Variants in PAGE2B observed in about 807,000 individuals in gnomAD.
The protein encoded by PAGE2B is PAGE family member 2B, also known as putative G antigen family E member 3.
Under a neutral mutation model 7.6 loss-of-function variants are expected in PAGE2B, and 5 were observed. The ratio of observed to expected loss-of-function variants is 0.66; its 90% CI spans 0.34 to 1.38. The LOEUF (loss-of-function observed/expected upper bound fraction) is 1.38. Ranked by LOEUF, PAGE2B falls within the 40% of genes most tolerant of loss-of-function variation. The pLI, the probability that PAGE2B is intolerant of heterozygous loss-of-function variation, is 0.04. For missense variants in PAGE2B, 70 were observed against 78.4 expected, an observed-to-expected ratio of 0.89 and a Z score of 0.41; for synonymous variants, 29 against 26.7, an observed-to-expected ratio of 1.09 and a Z score of -0.27.
the PAGE2B span, among the ~76,000 whole-genome samples, chrX:55,040,468 A>G: frequency 9.0e-6 from 1 of 111,524 alleles, no homozygotes; most frequent in African/African-American, 3.3e-5. Flanking sequence ...AAGGGCATGA[A>G]CTCATCCAAA....
the PAGE2B span, among the ~76,000 whole-genome samples, chrX:55,041,809 G>A: frequency 1.8e-5 from 2 of 111,599 alleles, no homozygotes; most frequent in Admixed American, 9.5e-5. Flanking sequence ...TTCCCATCAC[G>A]GGTTTCAATC....
chrX:55,035,851 C>T, the PAGE2B span, among the ~76,000 whole-genome samples: 3 of 111,846 alleles, frequency 2.7e-5, no homozygotes, highest in Non-Finnish European at 5.6e-5. Context: ...TCATTGGTAG[C>T]TTGATGGGGA....
the PAGE2B span, chrX:55,045,179 G>A: frequency 8.9e-6 from 1 of 111,833 alleles, no homozygotes; most frequent in Admixed American, 9.5e-5. Flanking sequence ...AAAAAATTCA[G>A]AGTTCGGTAT....
At chrX:55,069,500 C>G in the PAGE2B span, among the ~76,000 whole-genome samples, 2 of 106,567 alleles carry the variant, frequency 1.9e-5, no homozygotes, top group Admixed American at 9.8e-5. Flanking sequence ...CTAAAATTCT[C>G]TCTCTTTTTT....
chrX:55,076,241 C>T, intron 2 of PAGE2B, 116 bp downstream of exon 2: 2 of 881,175 alleles, frequency 2.3e-6, no homozygotes, highest in South Asian at 5.6e-5. Context: ...ATGATGATGG[C>T]ATCTCATGAA....
chrX:55,029,795 A>G, the PAGE2B span, among the ~76,000 whole-genome samples: 1 of 111,909 alleles, frequency 8.9e-6, no homozygotes, highest in Non-Finnish European at 1.9e-5. Context: ...GAAATTTGAG[A>G]CCAAGTAACA....
At chrX:55,049,254 G>C in the PAGE2B span, among the ~76,000 whole-genome samples, 4 of 111,398 alleles carry the variant, frequency 3.6e-5, no homozygotes, top group Non-Finnish European at 5.7e-5. Flanking sequence ...CAGGGATATT[G>C]GTCTAAAATT....
At chrX:55,043,698 T>G in the PAGE2B span, among the ~76,000 whole-genome samples, 56 of 111,289 alleles carry the variant, frequency 5.0e-4, no homozygotes, top group Non-Finnish European at 7.2e-4. Flanking sequence ...CCGGGCGCAG[T>G]GGCTCTTGCC....
the PAGE2B span, among the ~76,000 whole-genome samples, chrX:55,047,440 G>A: frequency 0.021 from 2,285 of 111,267 alleles, 44 homozygotes; most frequent in African/African-American, 0.061. Flanking sequence ...CCCAGTAATG[G>A]GATTGCTGGG....
chrX:55,052,089 G>T, the PAGE2B span, among the ~76,000 whole-genome samples: 1 of 112,145 alleles, frequency 8.9e-6, no homozygotes, highest in Non-Finnish European at 1.9e-5. Flanking sequence ...GACCCTGTTT[G>T]CATGGGTATC....
the PAGE2B span, among the ~76,000 whole-genome samples, chrX:55,049,557 T>G: frequency 8.9e-6 from 1 of 111,892 alleles, no homozygotes. Context: ...GTTGAGGAAT[T>G]TATCCGTTTC....
At chrX:55,039,114 G>T in the PAGE2B span, among the ~76,000 whole-genome samples, 1 of 111,815 alleles carries the variant, frequency 8.9e-6, no homozygotes, top group Non-Finnish European at 1.9e-5. Flanking sequence ...GCAGCAGGCT[G>T]TTTCAGTAGC....
chrX:55,077,302 GT>G lies in PAGE2B; in HGVS notation c.194-92del, dbSNP rs2146468206. The G allele has an allele frequency of 5.2e-6, 6 of 1,155,911 alleles. No homozygotes were observed. The South Asian group carries it at 1.2e-4, about 23-fold the overall frequency. ...GATTCCTGAAATAATTAGCCTACAG[GT>G]TTTTACTTCATAATGATGAGGGAAT... On this transcript the variant is annotated intron_variant, in intron 3 of 4. Coordinates refer to ENST00000374971, the MANE Select transcript of PAGE2B (RefSeq NM_001015038.3).
chrX:55,049,288 C>T, the PAGE2B span, among the ~76,000 whole-genome samples: 1 of 111,486 alleles, frequency 9.0e-6, no homozygotes, highest in Non-Finnish European at 1.9e-5. Flanking sequence ...GTGTCTCTGC[C>T]AGGCTTTGGT....
At chrX:55,068,506 G>A in the PAGE2B span, among the ~76,000 whole-genome samples, 1 of 111,987 alleles carries the variant, frequency 8.9e-6, no homozygotes, top group Non-Finnish European at 1.9e-5. Flanking sequence ...GCTTAGGATT[G>A]TCTTGGCTAT....
chrX:55,037,294 T>C, the PAGE2B span, among the ~76,000 whole-genome samples: 1 of 111,945 alleles, frequency 8.9e-6, no homozygotes, highest in Non-Finnish European at 1.9e-5. Flanking sequence ...AAAAGACATA[T>C]GAAAAAATGC....
At chrX:55,057,522 T>A in the PAGE2B span, among the ~76,000 whole-genome samples, 1 of 111,433 alleles carries the variant, frequency 9.0e-6, no homozygotes, top group Non-Finnish European at 1.9e-5. Flanking sequence ...GCTGGCCCCA[T>A]GCTGTCAGTC....
At chrX:55,075,263 A>G in intron 1 of PAGE2B, 149 bp downstream of exon 1, 1 of 138,745 alleles carries the variant, frequency 7.2e-6, no homozygotes, top group Non-Finnish European at 1.4e-5. Context: ...CCAGGTCGGG[A>G]TGCCACCGTG....
chrX:55,045,337 A>G, the PAGE2B span, among the ~76,000 whole-genome samples: 1 of 111,467 alleles, frequency 9.0e-6, no homozygotes, highest in Non-Finnish European at 1.9e-5. Context: ...GAACCAAAAC[A>G]GTTTTCTTGG....
Sources: gnomAD v4.1 joint callset for allele counts (sites outside exome capture counted in the v4.1 genomes callset) on GRCh38, gnomAD v4.1.1 for gene constraint, MANE v1.5 for transcripts, NCBI Gene and HGNC (gene_info 2026-07-23, HGNC 2026-07-21) for gene names.